The following GRID2 variants were observed in gnomAD, a reference collection of about 807,000 sequenced individuals.
The protein encoded by GRID2 is glutamate ionotropic receptor delta type subunit 2.
A neutral mutation model predicts 114.8 loss-of-function variants in GRID2; 33 were observed. The ratio of observed to expected loss-of-function variants is 0.29; its 90% CI spans 0.22 to 0.38. GRID2 has a LOEUF of 0.38. Ranked by LOEUF, GRID2 falls within the 10% of genes least tolerant of loss-of-function variation. GRID2 has a pLI of 1.00. For missense variants in GRID2, 1,184 were observed against 1,257.7 expected (o/e 0.94, Z 0.89); for synonymous variants, 505 against 449.9 (o/e 1.12, Z -1.55).
intron 2 of GRID2, among the ~76,000 whole-genome samples, chr4:93,020,315 A>G (rs1317323222): frequency 6.6e-5 from 10 of 152,178 alleles, no homozygotes; most frequent in Non-Finnish European, 1.2e-4. Context: ...TTTTCAGCCT[A>G]ATAGATGACT....
chr4:93,329,873 G>T (rs1197952126), intron 8 of GRID2, among the ~76,000 whole-genome samples: 1 of 151,274 alleles, frequency 6.6e-6, no homozygotes, highest in African/African-American at 2.4e-5. Context: ...TTCTGCTAGG[G>T]ATAGGAAAAG....
chr4:92,480,184 A>G (rs1722513151), intron 1 of GRID2, among the ~76,000 whole-genome samples: 3 of 152,172 alleles, frequency 2.0e-5, no homozygotes, highest in South Asian at 4.1e-4. Context: ...GAGTAAAAGC[A>G]TAAGAAACCA....
chr4:93,043,327 G>A (rs930377707), intron 2 of GRID2, among the ~76,000 whole-genome samples: 3 of 152,108 alleles, frequency 2.0e-5, no homozygotes, highest in African/African-American at 7.2e-5. Context: ...AACATATAGA[G>A]TAAAAGAGAT....
chr4:93,184,742 C>T (rs1359051781), intron 4 of GRID2, among the ~76,000 whole-genome samples: 1 of 151,904 alleles, frequency 6.6e-6, no homozygotes, highest in Non-Finnish European at 1.5e-5. Flanking sequence ...ATTAGCTGGG[C>T]GTGGTGGCGT....
At chr4:93,698,961 AC>A (rs1290921488) in intron 14 of GRID2, among the ~76,000 whole-genome samples, 1 of 152,048 alleles carries the variant, frequency 6.6e-6, no homozygotes, top group African/African-American at 2.4e-5. Context: ...CAAATTGGTG[AC>A]CATGACAGTT....
rs572628296 is a variant in GRID2 at position 93,113,177 on chromosome 4, C to A, written c.735+2224C>A. ...AGGTGGTCTTAACTATGTTTTAACACCTTTATAGTACTTACTATCTTCTTA... is the reference window on the plus strand; with the variant it reads ...AGGTGGTCTTAACTATGTTTTAACAACTTTATAGTACTTACTATCTTCTTA... On this transcript the variant is annotated intron_variant, in intron 4 of 15. Coordinates refer to ENST00000282020, the MANE Select transcript of GRID2 (RefSeq NM_001510.4). 5.4e-4 allele frequency among the ~76,000 whole-genome samples: 82 copies of A among 152,242 alleles called. No homozygotes were observed. The Middle Eastern group carries it at 0.01, about 19-fold the overall frequency.
chr4:93,174,641 G>A (rs1040384467), intron 4 of GRID2, among the ~76,000 whole-genome samples: 7 of 152,084 alleles, frequency 4.6e-5, no homozygotes, highest in African/African-American at 1.7e-4. Context: ...AGAGATTTCT[G>A]TTTTTCTCTG....
At position 92,361,528 on chromosome 4, in the gene GRID2, T is replaced by C. The variant is rs532638429; in HGVS notation, c.88+56784T>C. ...TATTGCTGTATCTAGTACATATTTT[T>C]AGGATCCAGGTGTTCATACTCTGAA... is the stretch of plus-strand genomic sequence containing the variant. On this transcript the variant is annotated intron_variant, in intron 1 of 15. Transcript: ENST00000282020. Among the ~76,000 whole-genome samples the C allele has an allele frequency of 5.9e-5, 9 of 152,112 alleles. No individual in the cohort carries two copies. The South Asian group carries it at 1.7e-3, about 28-fold the overall frequency.
intron 4 of GRID2, among the ~76,000 whole-genome samples, chr4:93,156,811 A>G (rs533656513): frequency 6.6e-6 from 1 of 151,822 alleles, no homozygotes; most frequent in African/African-American, 2.4e-5. Flanking sequence ...TTTGAAACTT[A>G]TCGGCCTATT....
At chr4:92,332,972 C>T (rs991547878) in intron 1 of GRID2, among the ~76,000 whole-genome samples, 1 of 152,190 alleles carries the variant, frequency 6.6e-6, no homozygotes, top group Non-Finnish European at 1.5e-5. Flanking sequence ...TCCTGCAAGT[C>T]TACTTGGCTG....
chr4:92,343,378 T>C (rs574417766), intron 1 of GRID2, among the ~76,000 whole-genome samples: 9 of 152,136 alleles, frequency 5.9e-5, no homozygotes, highest in African/African-American at 2.2e-4. Context: ...ACTCTCTGTA[T>C]TTACAATTAA....
intron 2 of GRID2, among the ~76,000 whole-genome samples, chr4:92,591,464 A>T (rs2149211919): frequency 6.6e-6 from 1 of 152,330 alleles, no homozygotes; most frequent in East Asian, 1.9e-4. Context: ...ATGCAAAATT[A>T]ATTTAGTCAA....
intron 2 of GRID2, among the ~76,000 whole-genome samples, chr4:92,865,582 C>T (rs1000224999): frequency 5.3e-5 from 8 of 152,052 alleles, no homozygotes; most frequent in Non-Finnish European, 7.4e-5. Context: ...CTATCATATT[C>T]CCTTCAGGCT....
intron 1 of GRID2, among the ~76,000 whole-genome samples, chr4:92,479,498 G>A (rs13101448): frequency 0.067 from 10,128 of 151,984 alleles, 403 homozygotes; most frequent in Non-Finnish European, 0.087. Context: ...CAATACCTCC[G>A]TATTGTTCTG....
chr4:93,070,720 A>G (rs1279356382), intron 2 of GRID2, among the ~76,000 whole-genome samples: 1 of 152,100 alleles, frequency 6.6e-6, no homozygotes, highest in Non-Finnish European at 1.5e-5. Flanking sequence ...AAACCAAAAT[A>G]CATTCTTCTG....
In GRID2 at chr4:92,924,349, T is replaced by G. The variant is rs1269159648; in HGVS notation, c.245-160646T>G. Among the ~76,000 whole-genome samples, 3 of 151,820 alleles carry G rather than the reference T, an allele frequency of 2.0e-5. No homozygotes were observed. The East Asian group carries it at 5.8e-4, about 29-fold the overall frequency. ...CACCAGCATGGCACATGTATACATA[T>G]GTAACTAACCTGCACATTGTGCACA... On this transcript the variant is annotated intron_variant, in intron 2 of 15. Coordinates refer to ENST00000282020, the MANE Select transcript of GRID2 (RefSeq NM_001510.4).
chr4:93,102,250 A>G (rs765327620), intron 3 of GRID2, among the ~76,000 whole-genome samples: 1 of 152,182 alleles, frequency 6.6e-6, no homozygotes, highest in East Asian at 1.9e-4. Context: ...CTTGTGATAC[A>G]CAAGAAAGAC....
At chr4:92,653,537 C>G (rs1365738178) in intron 2 of GRID2, among the ~76,000 whole-genome samples, 1 of 151,808 alleles carries the variant, frequency 6.6e-6, no homozygotes, top group African/African-American at 2.4e-5. Context: ...TTCCTTTAAG[C>G]CCCATGAAAA....
chr4:93,551,833 T>G (rs1733779083), intron 13 of GRID2, among the ~76,000 whole-genome samples: 1 of 152,206 alleles, frequency 6.6e-6, no homozygotes, highest in African/African-American at 2.4e-5. Context: ...CAAGACACAC[T>G]GATGGCTTAC....
Sources: allele counts gnomAD v4.1 joint callset (sites outside exome capture counted in the v4.1 genomes callset), GRCh38; gene constraint gnomAD v4.1.1; transcripts MANE v1.5; gene names NCBI Gene and HGNC (gene_info 2026-07-23, HGNC 2026-07-21).